SMARCC1: variants seen among roughly 807,000 people sequenced by gnomAD.
SMARCC1 encodes the protein SWI/SNF complex subunit SMARCC1.
A neutral mutation model predicts 147.4 loss-of-function variants in SMARCC1; 43 were observed. The observed-to-expected ratio is 0.29, with a 90% confidence interval of 0.23 to 0.38. The LOEUF (loss-of-function observed/expected upper bound fraction) is 0.38. SMARCC1 is among the 10% of genes least tolerant of loss of function. SMARCC1 has a pLI of 1.00. For synonymous variants in SMARCC1, 495 were observed against 484.4 expected (o/e 1.02, Z -0.29); for missense variants, 1,119 against 1,381.1 (o/e 0.81, Z 3.01).
intron 21 of SMARCC1, among the ~76,000 whole-genome samples, chr3:47,654,921 A>C (rs1409259293): frequency 6.6e-6 from 1 of 152,222 alleles, no homozygotes; most frequent in Non-Finnish European, 1.5e-5. Flanking sequence ...GTTCAATATA[A>C]GTTTTGGTGA....
At chr3:47,690,699 AAC>A (rs1044683861) in intron 12 of SMARCC1, among the ~76,000 whole-genome samples, 5 of 152,228 alleles carry the variant, frequency 3.3e-5, no homozygotes, top group African/African-American at 1.2e-4. Flanking sequence ...AATAAAACAA[AAC>A]AGTTTAATAG....
intron 21 of SMARCC1, among the ~76,000 whole-genome samples, chr3:47,647,830 C>T (rs2033138036): frequency 6.6e-6 from 1 of 152,240 alleles, no homozygotes; most frequent in South Asian, 2.1e-4. Context: ...CTACAACCTA[C>T]CTTTGTAGGC....
chr3:47,714,384 A>AATCT, intron 8 of SMARCC1, 31 bp downstream of exon 8: 1 of 1,342,854 alleles, frequency 7.4e-7, no homozygotes, highest in Non-Finnish European at 1.1e-6. Context: ...TAAAAAGATT[A>AATCT]TTGTAAGATT....
At chr3:47,729,120 C>A in intron 5 of SMARCC1, 26 bp from the exon 6 acceptor site, 4 of 1,535,366 alleles carry the variant, frequency 2.6e-6, no homozygotes, top group Non-Finnish European at 3.6e-6. Flanking sequence ...ACAAAAACCA[C>A]AAAAATAAAG....
rs1237534205 is a variant in SMARCC1, at chr3:47,755,365, T to G, written c.316-9372A>C. On this transcript the variant is annotated intron_variant, in intron 2 of 27. Coordinates refer to ENST00000254480, the MANE Select transcript of SMARCC1 (RefSeq NM_003074.4). Reference sequence around the variant, plus strand: ...AAATACAAAAATTAGACAGGCACGGTGGCAGCCTGTAGTCCGAACTACTTG... The same window carrying G: ...AAATACAAAAATTAGACAGGCACGGGGGCAGCCTGTAGTCCGAACTACTTG... Among the ~76,000 whole-genome samples the G allele has an allele frequency of 2.7e-5, 4 of 149,720 alleles. No individual in the cohort carries two copies. The East Asian group carries it at 8.0e-4, about 30-fold the overall frequency.
chr3:47,760,060 T>G (rs1266797962), intron 2 of SMARCC1, among the ~76,000 whole-genome samples: 1 of 152,036 alleles, frequency 6.6e-6, no homozygotes, highest in African/African-American at 2.4e-5. Flanking sequence ...ACGCCTGAAA[T>G]CCCACCACTC....
At chr3:47,683,655 C>A (rs1576410541) in intron 14 of SMARCC1, among the ~76,000 whole-genome samples, 1 of 150,988 alleles carries the variant, frequency 6.6e-6, no homozygotes, top group East Asian at 2.0e-4. Context: ...GAGTTCGAGA[C>A]CAGCCTGGTG....
rs375971966 is a variant in SMARCC1, at chr3:47,622,182, C to A, written c.2781+25G>T. 8 of 1,589,028 alleles carry A rather than the reference C, an allele frequency of 5.0e-6. No individual in the cohort carries two copies. The Admixed American group carries it at 7.5e-5, about 15-fold the overall frequency. ...TGACCAAGGTTTAATTGTGAAAAAG[C>A]CACTAAAAAATTCCAAATACTTACA... On this transcript the variant is annotated intron_variant, in intron 25 of 27. Transcript: ENST00000254480.
intron 26 of SMARCC1, among the ~76,000 whole-genome samples, chr3:47,601,049 C>A (rs1361844887): frequency 4.3e-5 from 2 of 46,824 alleles, no homozygotes; most frequent in Admixed American, 1.7e-4. Flanking sequence ...GAGAGAGAGA[C>A]ATGGCATCAA....
chr3:47,764,766 T>G (rs1368246533), intron 2 of SMARCC1, among the ~76,000 whole-genome samples: 2 of 152,208 alleles, frequency 1.3e-5, no homozygotes, highest in African/African-American at 2.4e-5. Context: ...CTACAGTAAT[T>G]TGTTTTATCC....
At chr3:47,706,763 T>C (rs2033999735) in intron 9 of SMARCC1, among the ~76,000 whole-genome samples, 1 of 152,326 alleles carries the variant, frequency 6.6e-6, no homozygotes, top group African/African-American at 2.4e-5. Flanking sequence ...ATTCAAACTA[T>C]GCTATAACAG....
intron 19 of SMARCC1, chr3:47,663,935 GC>G: frequency 1.4e-6 from 2 of 1,389,186 alleles, no homozygotes; most frequent in Non-Finnish European, 2.0e-6. Context: ...TCAACCCTGA[GC>G]CCAGGGTCTG....
chr3:47,661,455 T>C lies in SMARCC1; in HGVS notation c.2159A>G (p.Glu720Gly). The C allele has an allele frequency of 6.3e-7, 1 of 1,597,098 alleles. No homozygotes were observed. The highest frequency in any genetic ancestry group is 8.5e-7 in the Non-Finnish European group (1 of 1,175,368). The change falls in exon 21 of 28, where the codon GAG becomes GGG. Residue 720 changes from glutamate to glycine, a missense_variant and splice_region_variant. Physicochemically the swap from Glu to Gly is moderately conservative, Grantham distance 98 (BLOSUM62 -2). Transcript: ENST00000254480. ...VASAAAKAAL[E>G]EFSRVREEVP... ...CTCCTCCCGGACCCGAGAAAACTCC[T>C]CTGGTTCAAGAATAAAAATGGAACA...
intron 24 of SMARCC1, 57 bp downstream of exon 24, chr3:47,635,133 A>C (rs2032950998): frequency 1.3e-6 from 2 of 1,481,774 alleles, no homozygotes; most frequent in East Asian, 4.5e-5. Context: ...TTAACTAAAA[A>C]CAATACGACC....
chr3:47,737,540 A>G (rs891036263), intron 4 of SMARCC1, among the ~76,000 whole-genome samples: 6 of 152,238 alleles, frequency 3.9e-5, no homozygotes, highest in African/African-American at 1.4e-4. Flanking sequence ...TCTAATCCCC[A>G]AACACCCATA....
intron 9 of SMARCC1, among the ~76,000 whole-genome samples, chr3:47,707,384 T>C: frequency 6.6e-6 from 1 of 150,406 alleles, no homozygotes; most frequent in Non-Finnish European, 1.5e-5. Flanking sequence ...TACAATTTTA[T>C]ACATAAAAAA....
At position 47,679,753 on chromosome 3, in the gene SMARCC1, G is replaced by A. The variant is rs6773467; in HGVS notation, c.1457+684C>T. 5.2e-4 allele frequency among the ~76,000 whole-genome samples: 78 copies of A among 151,304 alleles called. No individual in the cohort carries two copies. In the Middle Eastern group the frequency reaches 0.01, roughly 20 times the overall value. On this transcript the variant is annotated intron_variant, in intron 15 of 27. Transcript: ENST00000254480. ...GGTGCATGCCTGTAGTCTCAACTAC[G>A]TGGGAGGCTGAGGCAGGAGAATAGC...
At chr3:47,687,690 ACTC>A (rs1368654596) in intron 13 of SMARCC1, among the ~76,000 whole-genome samples, 1 of 151,644 alleles carries the variant, frequency 6.6e-6, no homozygotes, top group Non-Finnish European at 1.5e-5. Context: ...CTGGTTTTGA[ACTC>A]CTGGGCTAAA....
intron 21 of SMARCC1, among the ~76,000 whole-genome samples, chr3:47,643,160 A>G (rs1329276417): frequency 6.6e-6 from 1 of 152,248 alleles, no homozygotes; most frequent in Admixed American, 6.5e-5. Context: ...ATATTCAAGA[A>G]TGTTCACTAC....
Sources: allele counts gnomAD v4.1 joint callset (sites outside exome capture counted in the v4.1 genomes callset), GRCh38; gene constraint gnomAD v4.1.1; transcripts MANE v1.5; gene names NCBI Gene and HGNC (gene_info 2026-07-23, HGNC 2026-07-21).